GRM1: variants seen among roughly 807,000 people sequenced by gnomAD.
The protein encoded by GRM1 is glutamate metabotropic receptor 1.
GRM1 carries 33 observed loss-of-function variants against 90.9 expected under a neutral mutation model. The ratio of observed to expected loss-of-function variants is 0.36; its 90% confidence interval spans 0.28 to 0.49. The LOEUF (loss-of-function observed/expected upper bound fraction) is 0.49. GRM1 is among the 20% of genes least tolerant of loss of function. The pLI is 0.99. For missense variants in GRM1, 1,190 were observed against 1,534.3 expected, an observed-to-expected ratio of 0.78 and a Z score of 3.75; for synonymous variants, 700 against 613.2, an observed-to-expected ratio of 1.14 and a Z score of -2.09.
rs761350118 is a variant in GRM1 at position 146,398,761 on chromosome 6, C to A, written c.1730-8C>A. 2.5e-6 allele frequency: 4 copies of A among 1,593,014 alleles called. No individual in the cohort carries two copies. Among genetic ancestry groups the A allele is most frequent in the South Asian group, 1.1e-5 (1 of 90,670 alleles). ...GGATTCATGCTCAAATGATTTTTCTCATCACAGGCTGTGAGCCCATTCCTG... is the reference window on the plus strand; with the variant it reads ...GGATTCATGCTCAAATGATTTTTCTAATCACAGGCTGTGAGCCCATTCCTG... On this transcript the variant is annotated splice_region_variant and splice_polypyrimidine_tract_variant and intron_variant, in intron 6 of 7. Coordinates refer to ENST00000282753, the MANE Select transcript of GRM1 (RefSeq NM_001278064.2).
At chr6:146,365,489 C>CAATA (rs772029398) in intron 5 of GRM1, 1 of 152,200 alleles carries the variant, frequency 6.6e-6, no homozygotes, top group East Asian at 1.9e-4. Flanking sequence ...GAATCATGGG[C>CAATA]TATTGGGCAG....
chr6:146,260,670 T>C (rs140861858), intron 2 of GRM1, among the ~76,000 whole-genome samples: 1 of 152,242 alleles, frequency 6.6e-6, no homozygotes, highest in East Asian at 1.9e-4. Flanking sequence ...TGTGAAGTTG[T>C]ATCTCATCTC....
chr6:146,378,012 G>A (rs1776174253), intron 5 of GRM1, among the ~76,000 whole-genome samples: 1 of 152,220 alleles, frequency 6.6e-6, no homozygotes, highest in Non-Finnish European at 1.5e-5. Context: ...TGCTTCAGAG[G>A]ATGCAAGACC....
intron 2 of GRM1, among the ~76,000 whole-genome samples, chr6:146,205,230 C>A (rs1231187127): frequency 6.6e-6 from 1 of 152,134 alleles, no homozygotes; most frequent in Non-Finnish European, 1.5e-5. Context: ...GTTATGGTCC[C>A]TTTTTCCACA....
chr6:146,083,920 T>C (rs1223840724), intron 1 of GRM1, among the ~76,000 whole-genome samples: 2 of 152,230 alleles, frequency 1.3e-5, no homozygotes, highest in Non-Finnish European at 2.9e-5. Flanking sequence ...AACTTGTTAT[T>C]GGTCTATTCT....
chr6:146,317,040 T>G (rs1023881096), intron 3 of GRM1, among the ~76,000 whole-genome samples: 1 of 152,232 alleles, frequency 6.6e-6, no homozygotes, highest in Non-Finnish European at 1.5e-5. Context: ...CAGACTTACT[T>G]TGAGGTACAT....
At chr6:146,151,507 T>C (rs1007947521) in intron 1 of GRM1, among the ~76,000 whole-genome samples, 1 of 152,192 alleles carries the variant, frequency 6.6e-6, no homozygotes, top group African/African-American at 2.4e-5. Context: ...AAAATCAATT[T>C]AAAGCCTAGT....
intron 3 of GRM1, among the ~76,000 whole-genome samples, chr6:146,322,698 C>T (rs1019754167): frequency 2.6e-5 from 4 of 151,794 alleles, no homozygotes; most frequent in African/African-American, 9.7e-5. Context: ...GTGTGCTGCA[C>T]CCATTAACTC....
intron 3 of GRM1, among the ~76,000 whole-genome samples, chr6:146,316,187 G>A (rs376592669): frequency 1.1e-4 from 17 of 152,112 alleles, no homozygotes; most frequent in African/African-American, 4.1e-4. Flanking sequence ...GCTTTTAGAG[G>A]CCACTCACGT....
Position 146,437,581 on chromosome 6 carries a change from A to G in GRM1, c.*2785A>G, listed in dbSNP as rs918121472. 5.9e-5 allele frequency: 9 copies of G among 152,622 alleles called. No individual in the cohort carries two copies. Among genetic ancestry groups the G allele is most frequent in the Non-Finnish European group, 1.2e-4 (8 of 68,042 alleles). 9.5% of individuals were successfully genotyped at this position (152,622 alleles called of 1,614,324 possible). ...AATAATCTTGACAATGCTGTATAAT[A>G]AATATTTTCTATTTATTAAATGTGT... is the stretch of plus-strand genomic sequence containing the variant. On this transcript the variant is annotated 3_prime_UTR_variant, in exon 8 of 8. Transcript: ENST00000282753.
At position 146,435,617 on chromosome 6, in the gene GRM1, CTT is replaced by C. The variant is rs1018306505; in HGVS notation, c.*823_*824del. On this transcript the variant is annotated 3_prime_UTR_variant, in exon 8 of 8. Transcript: ENST00000282753. ...AATAGAACAATCCATCAGCATGAGA[CTT>C]TGAAAAAAAAACACATGATCAGCTT... 4 of 152,188 alleles carry C rather than the reference CTT, an allele frequency of 2.6e-5. No individual in the cohort carries two copies. Among genetic ancestry groups the C allele is most frequent in the African/African-American group, 7.3e-5 (3 of 41,298 alleles). The allele number at this position is 152,188 out of a possible 1,614,324, so 9.4% of individuals were successfully genotyped here.
At position 146,399,609 on chromosome 6, in the gene GRM1, G is replaced by A; in HGVS notation, c.2570G>A (p.Arg857His). 6.2e-7 allele frequency: 1 copy of A among 1,613,958 alleles called. No individual in the cohort carries two copies. The highest frequency in any genetic ancestry group is 8.5e-7 in the Non-Finnish European group (1 of 1,179,880). The change falls in exon 7 of 8, where the codon CGC becomes CAC. Residue 857 changes from arginine to histidine, a missense_variant. By Grantham distance (29) the Arg-to-His change is conservative. Around this residue, in one of 10 missense-constraint regions of GRM1, gnomAD observed 73 missense variants for 150.6 expected, o/e 0.48. Coordinates refer to ENST00000282753, the MANE Select transcript of GRM1 (RefSeq NM_001278064.2). The surrounding 1 kb of genome is among the most constrained non-coding windows in gnomAD (Gnocchi z 5.4). Reference sequence around the variant, plus strand: ...GCCTTCACCACCTCTGATGTTGTCCGCATGCATGTTGGCGATGGCAAGCTG... The same window carrying A: ...GCCTTCACCACCTCTGATGTTGTCCACATGCATGTTGGCGATGGCAAGCTG... ...RSAFTTSDVV[R>H]MHVGDGKLPC...
At chr6:146,286,844 C>A (rs1782784541) in intron 2 of GRM1, among the ~76,000 whole-genome samples, 1 of 152,108 alleles carries the variant, frequency 6.6e-6, no homozygotes, top group Non-Finnish European at 1.5e-5. Context: ...AACTGACAGC[C>A]TCTTGTATAG....
intron 5 of GRM1, among the ~76,000 whole-genome samples, chr6:146,382,759 A>G (rs563468662): frequency 1.3e-5 from 2 of 152,256 alleles, no homozygotes; most frequent in South Asian, 4.1e-4. Context: ...TGACCTAATT[A>G]TATTTTTGAA....
At chr6:146,227,525 A>G (rs1780285104) in intron 2 of GRM1, among the ~76,000 whole-genome samples, 1 of 152,220 alleles carries the variant, frequency 6.6e-6, no homozygotes. Context: ...TCTGTCTCCA[A>G]TTTTTGATTT....
chr6:146,399,079 T>C lies in GRM1; in HGVS notation c.2040T>C (p.Asn680=). 6.2e-7 allele frequency: 1 copy of C among 1,614,080 alleles called. No individual in the cohort carries two copies. The highest frequency in any genetic ancestry group is 8.5e-7 in the Non-Finnish European group (1 of 1,180,010). Reference sequence around the variant, plus strand: ...ACTCTGCTTTAGTGACTAAAACCAATCGTATTGCACGCATCCTGGCTGGCA... The same window carrying C: ...ACTCTGCTTTAGTGACTAAAACCAACCGTATTGCACGCATCCTGGCTGGCA... ...MCYSALVTKT[N]RIARILAGSK... The change falls in exon 7 of 8, where the codon AAT becomes AAC. Residue 680 remains asparagine (N), a synonymous_variant. Coordinates refer to ENST00000282753, the MANE Select transcript of GRM1 (RefSeq NM_001278064.2). The surrounding 1 kb of genome is among the most constrained non-coding windows in gnomAD (Gnocchi z 5.4).
intron 3 of GRM1, among the ~76,000 whole-genome samples, chr6:146,332,146 T>C (rs1211497680): frequency 6.6e-6 from 1 of 152,214 alleles, no homozygotes; most frequent in East Asian, 1.9e-4. Flanking sequence ...TGGGAGCTAA[T>C]GCATTGTGTG....
chr6:146,423,463 C>T (rs1372580117), intron 7 of GRM1, among the ~76,000 whole-genome samples: 3 of 115,752 alleles, frequency 2.6e-5, no homozygotes, highest in Non-Finnish European at 3.7e-5. Flanking sequence ...AGGAGATGCT[C>T]TATTTTTTTT....
intron 1 of GRM1, among the ~76,000 whole-genome samples, chr6:146,098,503 A>G (rs926008120): frequency 2.0e-5 from 3 of 152,110 alleles, no homozygotes; most frequent in Admixed American, 6.6e-5. Context: ...TTACTATTAT[A>G]ATTGTCACGC....
Sources: allele counts gnomAD v4.1 joint callset (sites outside exome capture counted in the v4.1 genomes callset), GRCh38; gene constraint gnomAD v4.1.1; regional missense constraint gnomAD v4.1.1; non-coding constraint Gnocchi (gnomAD v3.1); transcripts MANE v1.5; gene names NCBI Gene and HGNC (gene_info 2026-07-23, HGNC 2026-07-21).